RP2: variants seen among roughly 807,000 people sequenced by gnomAD.
RP2 encodes RP2 activator of ARL3 GTPase, also known as protein XRP2.
RP2 carries 3 observed loss-of-function variants against 20.3 expected under a neutral mutation model. The observed-to-expected ratio is 0.15, with a 90% CI of 0.07 to 0.38. RP2 has a LOEUF of 0.38. Among genes scored for constraint, RP2 ranks in the 10% least tolerant of loss-of-function variants. RP2 has a pLI of 1.00. For missense variants in RP2, 233 were observed against 268.5 expected (o/e 0.87, Z 0.92); for synonymous variants, 75 against 94.8 (o/e 0.79, Z 1.22).
chrX:46,854,680 G>A (rs781932882), intron 2 of RP2, among the ~76,000 whole-genome samples: 1 of 111,147 alleles, frequency 9.0e-6, no homozygotes, highest in African/African-American at 3.3e-5. Flanking sequence ...GCTCACAAAA[G>A]TAGTACTGCT....
At chrX:46,869,448 C>A (rs1458796842) in intron 3 of RP2, among the ~76,000 whole-genome samples, 3 of 102,018 alleles carry the variant, frequency 2.9e-5, no homozygotes, top group African/African-American at 1.1e-4. Flanking sequence ...TACAGGCACG[C>A]CACCACGCCC....
intron 4 of RP2, 113 bp downstream of exon 4, chrX:46,877,703 GGTGTGTGT>G (rs397959535): frequency 1.1e-5 from 4 of 377,297 alleles, no homozygotes; most frequent in African/African-American, 2.8e-5. Flanking sequence ...GAATTTTTGG[GGTGTGTGT>G]GTGTGTGTGT....
chrX:46,872,180 T>C (rs1925303817), intron 3 of RP2, among the ~76,000 whole-genome samples: 3 of 112,537 alleles, frequency 2.7e-5, no homozygotes, highest in Non-Finnish European at 5.6e-5. Flanking sequence ...ATATAGCTAC[T>C]CTAGCTTTCA....
chrX:46,877,703 GGTGT>G (rs397959535), intron 4 of RP2, 113 bp downstream of exon 4: 34 of 377,197 alleles, frequency 9.0e-5, no homozygotes, highest in African/African-American at 4.4e-4. Flanking sequence ...GAATTTTTGG[GGTGT>G]GTGTGTGTGT....
chrX:46,853,585 A>G lies in RP2; in HGVS notation c.212A>G (p.Asn71Ser). Reference sequence around the variant, plus strand: ...CTCATTCAAGACTGTGAGAACTGTAACATCTATATTTTTGATCACTCTGCT... The same window carrying G: ...CTCATTCAAGACTGTGAGAACTGTAGCATCTATATTTTTGATCACTCTGCT... ...QFLIQDCENCNIYIFDHSATV... is the reference protein window; with the variant it reads ...QFLIQDCENCSIYIFDHSATV... Residue 71 changes from asparagine (N) to serine (S), a missense_variant, in exon 2 of 5, where the codon AAC becomes AGC. By Grantham distance (46) the Asn-to-Ser change is conservative. This residue lies in a region of RP2 where 77 missense variants were observed against 71.8 expected (regional missense o/e 1.07). Transcript: ENST00000218340. 8.3e-7 allele frequency: 1 copy of G among 1,211,209 alleles called. No individual in the cohort carries two copies. The highest frequency in any genetic ancestry group is 1.8e-5 in the South Asian group (1 of 56,980).
At position 46,882,215 on chromosome X, in the gene RP2, TTAAA is replaced by T. The variant is rs1925483428; in HGVS notation, c.*2449_*2452del. ...GGTAATTTTATTAAGTTATATGTGT[TTAAA>T]TATTATATTAGCTTATTTCTCTTGC... On this transcript the variant is annotated 3_prime_UTR_variant, in exon 5 of 5. Coordinates refer to ENST00000218340, the MANE Select transcript of RP2 (RefSeq NM_006915.3). 1 of 112,683 alleles carries T rather than the reference TTAAA, an allele frequency of 8.9e-6. No individual in the cohort carries two copies. The highest frequency in any genetic ancestry group is 3.2e-5 in the African/African-American group (1 of 31,038). The allele number at this position is 112,683 out of a possible 1,213,427, so 9.3% of individuals were successfully genotyped here.
chrX:46,872,554 C>G, intron 3 of RP2, among the ~76,000 whole-genome samples: 1 of 112,057 alleles, frequency 8.9e-6, no homozygotes. Context: ...TAATTTGAGT[C>G]TACCTTCTAA....
At chrX:46,867,400 C>T (rs2147085826) in intron 3 of RP2, among the ~76,000 whole-genome samples, 1 of 113,132 alleles carries the variant, frequency 8.8e-6, no homozygotes, top group South Asian at 3.6e-4. Context: ...CGCTCCTAGC[C>T]AACTTGTTCC....
chrX:46,857,152 G>A (rs1445443464), intron 2 of RP2, among the ~76,000 whole-genome samples: 1 of 105,559 alleles, frequency 9.5e-6, no homozygotes, highest in Non-Finnish European at 1.9e-5. Context: ...TTTTTTTTTC[G>A]CAATAGGAAG....
chrX:46,868,267 G>A (rs1925211511), intron 3 of RP2, among the ~76,000 whole-genome samples: 1 of 111,575 alleles, frequency 9.0e-6, no homozygotes, highest in Admixed American at 9.6e-5. Flanking sequence ...GCTCATGCCT[G>A]TAATCCCAAC....
intron 3 of RP2, among the ~76,000 whole-genome samples, chrX:46,867,612 A>G (rs1925198431): frequency 9.0e-6 from 1 of 111,663 alleles, no homozygotes; most frequent in South Asian, 3.7e-4. Context: ...TTCAGTGGTA[A>G]TACATTTACA....
At chrX:46,862,532 C>CAT (rs1925090882) in intron 3 of RP2, among the ~76,000 whole-genome samples, 1 of 108,260 alleles carries the variant, frequency 9.2e-6, no homozygotes, top group Non-Finnish European at 1.9e-5. Flanking sequence ...TGGTGGCGGG[C>CAT]GCCTGTAGTC....
At position 46,863,291 on chromosome X, in the gene RP2, A is replaced by G. The variant is rs191847341; in HGVS notation, c.883+3189A>G. Among the ~76,000 whole-genome samples the G allele has an allele frequency of 2.5e-3, 286 of 112,591 alleles. 1 individual carries two copies. The highest frequency in any genetic ancestry group is 4.0e-3 in the Non-Finnish European group (211 of 53,344). ...CAAATGACTCAGCAAAACAAAGCAT[A>G]TATGTGCAGATAGATGGTGTTTATT... On this transcript the variant is annotated intron_variant, in intron 3 of 4. Coordinates refer to ENST00000218340, the MANE Select transcript of RP2 (RefSeq NM_006915.3).
At chrX:46,873,360 A>G (rs1925323088) in intron 3 of RP2, among the ~76,000 whole-genome samples, 2 of 112,210 alleles carry the variant, frequency 1.8e-5, no homozygotes, top group African/African-American at 6.5e-5. Flanking sequence ...AACTCTCTGA[A>G]TAAGATGTTC....
intron 1 of RP2, among the ~76,000 whole-genome samples, chrX:46,837,867 C>T (rs1157006069): frequency 8.9e-6 from 1 of 111,870 alleles, no homozygotes; most frequent in Non-Finnish European, 1.9e-5. Context: ...CGGCATAAAC[C>T]AGGCAGTATT....
chrX:46,871,222 A>G (rs1038869415), intron 3 of RP2, among the ~76,000 whole-genome samples: 1 of 108,238 alleles, frequency 9.2e-6, no homozygotes, highest in Admixed American at 9.9e-5. Flanking sequence ...GGGTTTCACC[A>G]TGTTGGCCAG....
chrX:46,844,382 A>G (rs1435713500), intron 1 of RP2, among the ~76,000 whole-genome samples: 2 of 98,009 alleles, frequency 2.0e-5, no homozygotes, highest in Admixed American at 2.4e-4. Flanking sequence ...CCTGTGTCCA[A>G]GTGTTCTCAT....
intron 1 of RP2, among the ~76,000 whole-genome samples, chrX:46,847,858 ATG>A (rs782168720): frequency 8.1e-5 from 8 of 99,283 alleles, no homozygotes; most frequent in African/African-American, 1.8e-4. Context: ...ATGTGTATAT[ATG>A]TGTGTGTATA....
chrX:46,869,061 T>C (rs1425892060), intron 3 of RP2, among the ~76,000 whole-genome samples: 1 of 110,227 alleles, frequency 9.1e-6, no homozygotes, highest in Non-Finnish European at 1.9e-5. Flanking sequence ...ATCACATCAC[T>C]GCACTCCAGC....
Sources: gnomAD v4.1 joint callset for allele counts (sites outside exome capture counted in the v4.1 genomes callset) on GRCh38, gnomAD v4.1.1 for gene constraint, gnomAD v4.1.1 regional missense constraint, MANE v1.5 for transcripts, NCBI Gene and HGNC (gene_info 2026-07-23, HGNC 2026-07-21) for gene names.